The following PEX5L variants were observed in gnomAD, a reference collection of about 807,000 sequenced individuals.
The protein encoded by PEX5L is peroxisomal biogenesis factor 5 like, also known as PEX5-related protein.
A neutral mutation model predicts 84.0 loss-of-function variants in PEX5L; 30 were observed. That is an observed-to-expected ratio of 0.36 (90% CI 0.27 to 0.48). The LOEUF is 0.48. Among genes scored for constraint, PEX5L ranks in the 20% least tolerant of loss-of-function variants. The pLI is 0.99. For synonymous variants in PEX5L, 270 were observed against 283.1 expected, an observed-to-expected ratio of 0.95 and a Z score of 0.46; for missense variants, 533 against 754.6, an observed-to-expected ratio of 0.71 and a Z score of 3.44.
chr3:179,864,568 T>C (rs1234794139), intron 7 of PEX5L, among the ~76,000 whole-genome samples: 1 of 152,066 alleles, frequency 6.6e-6, no homozygotes, highest in Admixed American at 6.6e-5. Context: ...TCAAAGGATA[T>C]AAAATTTCAG....
At chr3:179,905,324 G>C (rs775702690) in intron 2 of PEX5L, among the ~76,000 whole-genome samples, 5 of 151,098 alleles carry the variant, frequency 3.3e-5, no homozygotes, top group Non-Finnish European at 7.4e-5. Flanking sequence ...CCAGGCTGGA[G>C]TGCAGTGGCG....
At chr3:179,935,187 T>C (rs1029774104) in intron 2 of PEX5L, among the ~76,000 whole-genome samples, 1 of 152,192 alleles carries the variant, frequency 6.6e-6, no homozygotes, top group African/African-American at 2.4e-5. Flanking sequence ...GAATAATTTA[T>C]AATAACATGG....
At chr3:179,940,721 A>AAC (rs1338152990) in intron 2 of PEX5L, among the ~76,000 whole-genome samples, 2 of 152,238 alleles carry the variant, frequency 1.3e-5, no homozygotes, top group African/African-American at 4.8e-5. Context: ...CCTTAAGAAC[A>AAC]ACATGGATCC....
At chr3:179,912,855 A>G (rs1765659501) in intron 2 of PEX5L, among the ~76,000 whole-genome samples, 1 of 152,130 alleles carries the variant, frequency 6.6e-6, no homozygotes, top group African/African-American at 2.4e-5. Flanking sequence ...AAAGATTCCA[A>G]GTTATGGTCC....
At chr3:179,819,038 T>A in intron 9 of PEX5L, among the ~76,000 whole-genome samples, 1 of 151,366 alleles carries the variant, frequency 6.6e-6, no homozygotes. Flanking sequence ...GTTCTTTCTT[T>A]TTTTTTTTTG....
chr3:179,970,810 A>C (rs1387179653), intron 2 of PEX5L, among the ~76,000 whole-genome samples: 1 of 152,110 alleles, frequency 6.6e-6, no homozygotes, highest in Non-Finnish European at 1.5e-5. Flanking sequence ...ATCTACTCAG[A>C]TCTCTTTGAA....
intron 3 of PEX5L, chr3:179,896,053 C>G (rs1274576963): frequency 6.6e-6 from 1 of 152,032 alleles, no homozygotes; most frequent in African/African-American, 2.4e-5. Flanking sequence ...GAATGTGGTA[C>G]GATACACGGA....
intron 1 of PEX5L, among the ~76,000 whole-genome samples, chr3:180,021,586 G>A (rs538426419): frequency 5.3e-5 from 8 of 152,284 alleles, no homozygotes; most frequent in East Asian, 1.9e-4. Flanking sequence ...AGAGAGGAGC[G>A]GATGACTCCC....
chr3:179,995,546 T>G (rs1182628896), intron 1 of PEX5L, among the ~76,000 whole-genome samples: 1 of 152,138 alleles, frequency 6.6e-6, no homozygotes, highest in Non-Finnish European at 1.5e-5. Context: ...GTTTAGTGAC[T>G]CTATACATAA....
chr3:180,031,060 G>A (rs1791412762), intron 1 of PEX5L, among the ~76,000 whole-genome samples: 1 of 150,758 alleles, frequency 6.6e-6, no homozygotes, highest in South Asian at 2.1e-4. Flanking sequence ...AATCTTACAT[G>A]GAGTATGACA....
chr3:179,956,953 T>C (rs1306165085), intron 2 of PEX5L, among the ~76,000 whole-genome samples: 2 of 152,158 alleles, frequency 1.3e-5, no homozygotes, highest in Non-Finnish European at 2.9e-5. Flanking sequence ...ACTTGCATCT[T>C]AAAAGATGAG....
At chr3:179,933,868 T>C (rs1393436907) in intron 2 of PEX5L, among the ~76,000 whole-genome samples, 2 of 152,222 alleles carry the variant, frequency 1.3e-5, no homozygotes, top group African/African-American at 2.4e-5. Context: ...CTGCTGGTCT[T>C]AGGACCACCT....
chr3:179,985,503 G>T (rs1257164860), intron 1 of PEX5L, among the ~76,000 whole-genome samples: 1 of 151,920 alleles, frequency 6.6e-6, no homozygotes, highest in East Asian at 1.9e-4. Context: ...AGGTCAAAAG[G>T]TCACTCTTCT....
At position 179,807,697 on chromosome 3, in the gene PEX5L, G is replaced by C; in HGVS notation, c.1653C>G (p.Ser551Arg). The C allele has an allele frequency of 6.2e-7, 1 of 1,614,118 alleles. No individual in the cohort carries two copies. The highest frequency in any genetic ancestry group is 1.1e-5 in the South Asian group (1 of 91,086). The change falls in exon 14 of 15, where the codon AGC becomes AGG. Residue 551 changes from serine to arginine, a missense_variant. Transcript: ENST00000467460. ...FIRSRYNLGISCINLGAYREA... is the reference protein window; with the variant it reads ...FIRSRYNLGIRCINLGAYREA... ...ACCTGTAGGCGCCCAGGTTGATGCA[G>C]CTTATTCCTAGGTTGTATCTGGACC...
intron 7 of PEX5L, among the ~76,000 whole-genome samples, chr3:179,865,279 A>G (rs1177991829): frequency 6.6e-6 from 1 of 152,162 alleles, no homozygotes; most frequent in African/African-American, 2.4e-5. Flanking sequence ...AGTGTTATCT[A>G]TGTCACATTT....
intron 2 of PEX5L, among the ~76,000 whole-genome samples, chr3:179,917,655 G>A (rs185118834): frequency 3.9e-5 from 6 of 152,024 alleles, no homozygotes; most frequent in African/African-American, 1.4e-4. Context: ...TGACTGAAAC[G>A]TCTTTTTTTT....
At chr3:179,938,347 G>A (rs938260948) in intron 2 of PEX5L, among the ~76,000 whole-genome samples, 1 of 152,204 alleles carries the variant, frequency 6.6e-6, no homozygotes, top group Non-Finnish European at 1.5e-5. Flanking sequence ...ATAGATGAGA[G>A]GTTAGAAGGT....
At chr3:179,924,392 C>T (rs545907892) in intron 2 of PEX5L, among the ~76,000 whole-genome samples, 5 of 152,254 alleles carry the variant, frequency 3.3e-5, no homozygotes, top group South Asian at 4.1e-4. Flanking sequence ...TCATCAATGT[C>T]GAGTCCCTGG....
intron 1 of PEX5L, among the ~76,000 whole-genome samples, chr3:180,008,813 C>T (rs1269534084): frequency 6.6e-6 from 1 of 152,150 alleles, no homozygotes; most frequent in Non-Finnish European, 1.5e-5. Context: ...CCCACTGGGC[C>T]CCTCCCACAA....
Sources: gnomAD v4.1 joint callset for allele counts (sites outside exome capture counted in the v4.1 genomes callset) on GRCh38, gnomAD v4.1.1 for gene constraint, MANE v1.5 for transcripts, NCBI Gene and HGNC (gene_info 2026-07-23, HGNC 2026-07-21) for gene names.